Variants in OCLN observed in about 807,000 individuals in gnomAD.
OCLN encodes the protein occludin, also known as phosphatase 1, regulatory subunit 115.
Under a neutral mutation model 47.9 loss-of-function variants are expected in OCLN, and 21 were observed. The observed-to-expected ratio is 0.44, with a 90% CI of 0.31 to 0.63. OCLN has a LOEUF of 0.63. Ranked by LOEUF, OCLN falls within the 30% of genes least tolerant of loss-of-function variation. The pLI is 0.08. For missense variants in OCLN, 360 were observed against 571.0 expected (o/e 0.63, Z 3.77); for synonymous variants, 117 against 198.4 (o/e 0.59, Z 3.45).
intron 3 of OCLN, among the ~76,000 whole-genome samples, chr5:69,513,686 A>G (rs1195402443): frequency 1.3e-5 from 2 of 152,216 alleles, no homozygotes; most frequent in Non-Finnish European, 2.9e-5. Context: ...GATGATTGAT[A>G]GTTCCTAACA....
intron 4 of OCLN, among the ~76,000 whole-genome samples, chr5:69,529,520 A>G (rs1185389382): frequency 1.3e-5 from 2 of 152,222 alleles, no homozygotes; most frequent in Non-Finnish European, 2.9e-5. Context: ...CATATTCCCT[A>G]AATTAATAAT....
chr5:69,553,769 C>G lies in OCLN; in HGVS notation c.*98C>G. On this transcript the variant is annotated 3_prime_UTR_variant, in exon 9 of 9. Transcript: ENST00000396442. ...TTGGACCATAACCCCGGAAGCCAAACCTCTGTGAGCATCACAAAGTTTTGG... is the reference window on the plus strand; with the variant it reads ...TTGGACCATAACCCCGGAAGCCAAAGCTCTGTGAGCATCACAAAGTTTTGG... 1 of 1,580,998 alleles carries G rather than the reference C, an allele frequency of 6.3e-7. No individual in the cohort carries two copies. Among genetic ancestry groups the G allele is most frequent in the Non-Finnish European group, 8.6e-7 (1 of 1,156,348 alleles).
chr5:69,506,736 C>T (rs557419500), intron 2 of OCLN, among the ~76,000 whole-genome samples: 34 of 152,284 alleles, frequency 2.2e-4, no homozygotes, highest in Admixed American at 5.9e-4. Flanking sequence ...TACAATATCA[C>T]GTGAAGGTTG....
chr5:69,528,717 AT>A (rs1054597747), intron 4 of OCLN, among the ~76,000 whole-genome samples: 2 of 152,164 alleles, frequency 1.3e-5, no homozygotes, highest in African/African-American at 4.8e-5. Context: ...TAGAAACTCA[AT>A]TTCCTCATCT....
intron 3 of OCLN, among the ~76,000 whole-genome samples, chr5:69,510,457 G>A (rs955586669): frequency 6.6e-6 from 1 of 152,064 alleles, no homozygotes; most frequent in Non-Finnish European, 1.5e-5. Flanking sequence ...TGAGGCGGGC[G>A]GATCATGAGG....
intron 3 of OCLN, among the ~76,000 whole-genome samples, chr5:69,512,230 TA>T (rs1458764849): frequency 6.6e-6 from 1 of 152,200 alleles, no homozygotes; most frequent in Non-Finnish European, 1.5e-5. Flanking sequence ...CATGTTGTGT[TA>T]ATTTTGGGCA....
At chr5:69,502,236 T>G (rs1385406193) in intron 1 of OCLN, 3 of 150,868 alleles carry the variant, frequency 2.0e-5, no homozygotes, top group Non-Finnish European at 4.4e-5. Flanking sequence ...TAAAAAAAAG[T>G]TTTAAGAGTC....
At chr5:69,550,730 T>C in intron 7 of OCLN, among the ~76,000 whole-genome samples, 1 of 71,544 alleles carries the variant, frequency 1.4e-5, no homozygotes, top group East Asian at 4.0e-4. Context: ...ATTTATGTAT[T>C]TCTTTTATGG....
Position 69,509,332 on chromosome 5 carries a change from C to G in OCLN, c.242C>G (p.Ala81Gly), listed in dbSNP as rs1206341836. Residue 81 changes from alanine to glycine, a missense_variant, in exon 3 of 9, where the codon GCC (alanine) becomes GGC (glycine). This residue lies in a region of OCLN where 314 missense variants were observed against 368.1 expected (regional missense o/e 0.85). Coordinates refer to ENST00000396442, the MANE Select transcript of OCLN (RefSeq NM_001205254.2). The part of the protein sequence containing the change: ...LIIVMCIAIF[A>G]CVASTLAWDR... ...ATTGTGATGTGCATTGCCATCTTTG[C>G]CTGTGTGGCCTCCACGCTTGCCTGG... 1 of 1,614,076 alleles carries G rather than the reference C, an allele frequency of 6.2e-7. No individual in the cohort carries two copies. The highest frequency in any genetic ancestry group is 1.3e-5 in the African/African-American group (1 of 74,928).
rs181940943 is a variant in OCLN, at chr5:69,499,663, C to T, written c.-68-4514C>T. Among the ~76,000 whole-genome samples, 484 of 152,210 alleles carry T rather than the reference C, an allele frequency of 3.2e-3. 3 individuals carry two copies. Among genetic ancestry groups the T allele is most frequent in the African/African-American group, 0.011 (464 of 41,534 alleles). On this transcript the variant is annotated intron_variant, in intron 1 of 8. Transcript: ENST00000396442. ...GCAGTGGCGTGACCTCAGCTCACTG[C>T]AACCTCCTCCTCCTGGATTCAAGCG... is the stretch of plus-strand genomic sequence containing the variant.
intron 1 of OCLN, among the ~76,000 whole-genome samples, chr5:69,498,088 C>T (rs994782942): frequency 1.2e-4 from 18 of 151,770 alleles, no homozygotes; most frequent in South Asian, 6.3e-4. Context: ...GCCGAGATCC[C>T]GCCACTGCAC....
chr5:69,506,710 G>A (rs1231647147), intron 2 of OCLN, among the ~76,000 whole-genome samples: 1 of 152,188 alleles, frequency 6.6e-6, no homozygotes, highest in Non-Finnish European at 1.5e-5. Flanking sequence ...TGGAGATGAA[G>A]ACTAAATACA....
chr5:69,497,749 C>T (rs1224547631), intron 1 of OCLN, among the ~76,000 whole-genome samples: 2 of 152,108 alleles, frequency 1.3e-5, no homozygotes, highest in Non-Finnish European at 2.9e-5. Flanking sequence ...ATGTGATGTA[C>T]AAATCAGGTT....
Position 69,509,099 on chromosome 5 carries a change from C to G in OCLN, c.51-42C>G, listed in dbSNP as rs200028558. Reference sequence around the variant, plus strand: ...TAAGTTGTGTTCTTTCTGCTTACTACCAAAAAATGCTAACTTGAAATTATT... The same window carrying G: ...TAAGTTGTGTTCTTTCTGCTTACTAGCAAAAAATGCTAACTTGAAATTATT... On this transcript the variant is annotated intron_variant, in intron 2 of 8. Transcript: ENST00000396442. 33 of 1,553,094 alleles carry G rather than the reference C, an allele frequency of 2.1e-5. No homozygotes were observed. In the East Asian group the frequency reaches 6.9e-4, roughly 33 times the overall value.
chr5:69,520,487 G>A (rs561790753), intron 4 of OCLN, among the ~76,000 whole-genome samples: 1 of 151,402 alleles, frequency 6.6e-6, no homozygotes, highest in South Asian at 2.1e-4. Context: ...TTTTAGTAGA[G>A]ACGGGGTTTC....
At chr5:69,529,169 C>T (rs1769362773) in intron 4 of OCLN, among the ~76,000 whole-genome samples, 1 of 152,068 alleles carries the variant, frequency 6.6e-6, no homozygotes, top group African/African-American at 2.4e-5. Flanking sequence ...GGTGTAGACC[C>T]ATCTTACTCT....
intron 2 of OCLN, among the ~76,000 whole-genome samples, chr5:69,505,139 A>G (rs945608427): frequency 1.3e-5 from 2 of 151,974 alleles, no homozygotes; most frequent in African/African-American, 4.8e-5. Context: ...AATTGCAGCT[A>G]TTTGGGAGGC....
chr5:69,530,458 T>C (rs1769398727), intron 4 of OCLN, among the ~76,000 whole-genome samples: 1 of 152,144 alleles, frequency 6.6e-6, no homozygotes, highest in African/African-American at 2.4e-5. Context: ...ATTGGTACCA[T>C]TAAGTGGGTT....
chr5:69,525,111 CTT>C (rs557396452), intron 4 of OCLN, among the ~76,000 whole-genome samples: 1 of 146,088 alleles, frequency 6.8e-6, no homozygotes. Context: ...CTTTTCTTTT[CTT>C]TTTTTTTTTG....
Sources: gnomAD v4.1 joint callset for allele counts (sites outside exome capture counted in the v4.1 genomes callset) on GRCh38, gnomAD v4.1.1 for gene constraint, gnomAD v4.1.1 regional missense constraint, MANE v1.5 for transcripts, NCBI Gene and HGNC (gene_info 2026-07-23, HGNC 2026-07-21) for gene names.